The following ADAMTSL1 variants were observed in gnomAD, a reference collection of about 807,000 sequenced individuals.
ADAMTSL1 encodes the protein ADAMTS like 1.
ADAMTSL1 carries 126 observed loss-of-function variants against 201.8 expected under a neutral mutation model. The ratio of observed to expected loss-of-function variants is 0.62; its 90% CI spans 0.54 to 0.72. The LOEUF is 0.72. ADAMTSL1 is among the 30% of genes least tolerant of loss of function. ADAMTSL1 has a pLI of 0.00. For missense variants in ADAMTSL1, 2,679 were observed against 2,277.8 expected, an observed-to-expected ratio of 1.18 and a Z score of -3.59; for synonymous variants, 1,121 against 903.4, an observed-to-expected ratio of 1.24 and a Z score of -4.32.
At chr9:18,507,787 G>A (rs1049033684) in intron 2 of ADAMTSL1, among the ~76,000 whole-genome samples, 1 of 152,180 alleles carries the variant, frequency 6.6e-6, no homozygotes, top group Non-Finnish European at 1.5e-5. Context: ...GGGTCTGACA[G>A]CTTCTGTTGC....
chr9:17,977,111 T>A (rs1818485458), intron 1 of ADAMTSL1, among the ~76,000 whole-genome samples: 1 of 152,126 alleles, frequency 6.6e-6, no homozygotes, highest in South Asian at 2.1e-4. Context: ...ATTCTGTTAA[T>A]GGGGTGTATC....
chr9:18,530,892 G>A (rs16936827), intron 2 of ADAMTSL1, among the ~76,000 whole-genome samples: 9,617 of 152,194 alleles, frequency 0.063, 896 homozygotes, highest in African/African-American at 0.2. Flanking sequence ...ACTGTGGTAC[G>A]TATGCAGCAG....
chr9:18,458,729 C>G (rs973299187), intron 2 of ADAMTSL1, among the ~76,000 whole-genome samples: 2 of 152,114 alleles, frequency 1.3e-5, no homozygotes, highest in Non-Finnish European at 2.9e-5. Context: ...TGACAAAATC[C>G]TGAGTGACTT....
At chr9:18,360,050 A>G (rs1453680441) in intron 2 of ADAMTSL1, among the ~76,000 whole-genome samples, 1 of 152,070 alleles carries the variant, frequency 6.6e-6, no homozygotes, top group Non-Finnish European at 1.5e-5. Flanking sequence ...ATTAGTGCTC[A>G]ATATATAGTA....
intron 2 of ADAMTSL1, among the ~76,000 whole-genome samples, chr9:18,170,517 T>A (rs946167827): frequency 6.6e-6 from 1 of 152,026 alleles, no homozygotes; most frequent in South Asian, 2.1e-4. Context: ...AAATGGAGTA[T>A]TAACGAATAA....
At chr9:18,346,765 A>C (rs962360555) in intron 2 of ADAMTSL1, among the ~76,000 whole-genome samples, 2 of 152,130 alleles carry the variant, frequency 1.3e-5, no homozygotes, top group African/African-American at 4.8e-5. Context: ...TAACAAGAAA[A>C]CAGAGGAAGA....
At chr9:18,723,301 C>G (rs1358500273) in intron 15 of ADAMTSL1, 1 of 572,054 alleles carries the variant, frequency 1.7e-6, no homozygotes, top group African/African-American at 1.9e-5. Flanking sequence ...TGCTTATTTG[C>G]CATTATTTGA....
At chr9:17,947,705 T>C (rs945697400) in intron 1 of ADAMTSL1, among the ~76,000 whole-genome samples, 1 of 152,178 alleles carries the variant, frequency 6.6e-6, no homozygotes, top group African/African-American at 2.4e-5. Flanking sequence ...AAGCATCTGA[T>C]GACAGTGATT....
Position 18,684,801 on chromosome 9 carries a change from G to A in ADAMTSL1, c.1574+1G>A, listed in dbSNP as rs756185107. The A allele has an allele frequency of 6.2e-7, 1 of 1,608,846 alleles. No individual in the cohort carries two copies. On this transcript the variant is annotated splice_donor_variant, in intron 13 of 28. Coordinates refer to ENST00000380548, the MANE Select transcript of ADAMTSL1 (RefSeq NM_001040272.6). LOFTEE classifies it high-confidence loss of function. ...GAGCTGCTGTGTCAGAGGAGCCCTCGTAAGTTGTAAAAGCACAGACTGTTC... is the reference window on the plus strand; with the variant it reads ...GAGCTGCTGTGTCAGAGGAGCCCTCATAAGTTGTAAAAGCACAGACTGTTC...
chr9:18,740,578 G>A (rs532622256), intron 15 of ADAMTSL1, among the ~76,000 whole-genome samples: 5 of 146,938 alleles, frequency 3.4e-5, no homozygotes, highest in African/African-American at 1.3e-4. Context: ...CCCGGTTCCA[G>A]CGATTCTCCT....
Position 18,753,440 on chromosome 9 carries a change from C to G in ADAMTSL1, c.2149C>G (p.Pro717Ala). The G allele has an allele frequency of 6.2e-7, 1 of 1,613,516 alleles. No individual in the cohort carries two copies. The highest frequency in any genetic ancestry group is 8.5e-7 in the Non-Finnish European group (1 of 1,179,782). Residue 717 changes from proline (P) to alanine (A), a missense_variant, in exon 16 of 29, where the codon CCC becomes GCC. By Grantham distance (27) the Pro-to-Ala change is conservative. Coordinates refer to ENST00000380548, the MANE Select transcript of ADAMTSL1 (RefSeq NM_001040272.6). ...LADELCRQPK[P>A]STVQACNRFN... Reference sequence around the variant, plus strand: ...TGATGAGCTGTGTCGCCAGCCCAAGCCCAGCACGGTGCAAGCTTGTAACCG... The same window carrying G: ...TGATGAGCTGTGTCGCCAGCCCAAGGCCAGCACGGTGCAAGCTTGTAACCG...
chr9:18,324,231 T>A (rs1378310746), intron 2 of ADAMTSL1, among the ~76,000 whole-genome samples: 1 of 152,172 alleles, frequency 6.6e-6, no homozygotes, highest in Non-Finnish European at 1.5e-5. Flanking sequence ...TTTTAACATG[T>A]ATCCTAGAAA....
chr9:18,332,840 G>T (rs994233994), intron 2 of ADAMTSL1, among the ~76,000 whole-genome samples: 2 of 152,122 alleles, frequency 1.3e-5, no homozygotes, highest in Non-Finnish European at 2.9e-5. Context: ...AGTGAAAAGA[G>T]CATAAGGTTG....
At chr9:18,830,173 T>G (rs895484510) in intron 23 of ADAMTSL1, among the ~76,000 whole-genome samples, 196 bp downstream of exon 23, 20 of 152,330 alleles carry the variant, frequency 1.3e-4, no homozygotes, top group African/African-American at 4.6e-4. Context: ...GTTGTTAGTC[T>G]GGACTCTGTG....
At chr9:18,803,785 C>A (rs1822942493) in intron 20 of ADAMTSL1, among the ~76,000 whole-genome samples, 1 of 151,942 alleles carries the variant, frequency 6.6e-6, no homozygotes, top group Non-Finnish European at 1.5e-5. Context: ...CTACCAATAC[C>A]CCCTGGTTTG....
At chr9:18,127,057 T>G (rs1160012570) in intron 1 of ADAMTSL1, among the ~76,000 whole-genome samples, 1 of 151,960 alleles carries the variant, frequency 6.6e-6, no homozygotes, top group African/African-American at 2.4e-5. Context: ...CAGCTAGGAG[T>G]TGTAAAGACA....
At chr9:18,130,236 G>A (rs557245873) in intron 1 of ADAMTSL1, among the ~76,000 whole-genome samples, 29 of 152,228 alleles carry the variant, frequency 1.9e-4, no homozygotes, top group Admixed American at 3.9e-4. Context: ...TAGTCATTGC[G>A]GGAAGACAGG....
intron 16 of ADAMTSL1, among the ~76,000 whole-genome samples, chr9:18,761,127 A>C (rs571339802): frequency 2.0e-5 from 3 of 152,264 alleles, no homozygotes. Context: ...AGTTGTAAGC[A>C]GAGTGCAGAG....
intron 2 of ADAMTSL1, among the ~76,000 whole-genome samples, chr9:18,350,835 T>A (rs994963518): frequency 6.6e-6 from 1 of 152,238 alleles, no homozygotes; most frequent in East Asian, 1.9e-4. Flanking sequence ...CAGGAAAACT[T>A]TACTAGTCTC....
Sources: allele counts gnomAD v4.1 joint callset (sites outside exome capture counted in the v4.1 genomes callset), GRCh38; gene constraint gnomAD v4.1.1; transcripts MANE v1.5; gene names NCBI Gene and HGNC (gene_info 2026-07-23, HGNC 2026-07-21).